BLTP1: variants seen among roughly 807,000 people sequenced by gnomAD.
The protein encoded by BLTP1 is fragile site-associated protein.
chr4:122,201,229 A>C, the BLTP1 span: 1 of 842,032 alleles, frequency 1.2e-6, no homozygotes, highest in Non-Finnish European at 1.7e-6. Context: ...GATATGATTC[A>C]TATTTTCTTC....
the BLTP1 span, among the ~76,000 whole-genome samples, chr4:122,183,802 CCTT>C: frequency 0.028 from 4,303 of 152,136 alleles, 136 homozygotes; most frequent in African/African-American, 0.08. Context: ...TTCAAATGGA[CCTT>C]CTTCTCTACT....
At chr4:122,188,104 A>T in the BLTP1 span, 1 of 1,434,442 alleles carries the variant, frequency 7.0e-7, no homozygotes, top group Admixed American at 2.7e-5. Context: ...AAAATCTTAT[A>T]AAAATAATAA....
the BLTP1 span, chr4:122,198,186 CTG>C: frequency 1.0e-6 from 1 of 973,200 alleles, no homozygotes; most frequent in Non-Finnish European, 1.2e-6. Flanking sequence ...GAAAAAGTGA[CTG>C]TGAATGGCAT....
the BLTP1 span, among the ~76,000 whole-genome samples, chr4:122,321,979 A>ATTTTTTTTT: frequency 5.2e-4 from 14 of 27,016 alleles, no homozygotes; most frequent in Admixed American, 5.3e-4. Flanking sequence ...ACTACATGTA[A>ATTTTTTTTT]TTTTTTTTTT....
the BLTP1 span, among the ~76,000 whole-genome samples, chr4:122,353,435 G>A: frequency 2.6e-5 from 4 of 152,276 alleles, no homozygotes; most frequent in East Asian, 7.7e-4. The surrounding 1 kb of genome is among the most constrained non-coding windows in gnomAD (Gnocchi z 4.3). Context: ...AAAACATGAA[G>A]TGAAGGCAAC....
At chr4:122,313,746 CA>C in the BLTP1 span, 1 of 1,023,452 alleles carries the variant, frequency 9.8e-7, no homozygotes, top group Non-Finnish European at 1.5e-6. Flanking sequence ...ATTTTAATGG[CA>C]AGAGAATCTT....
the BLTP1 span, chr4:122,214,347 G>A: frequency 1.1e-6 from 1 of 929,422 alleles, no homozygotes; most frequent in Non-Finnish European, 1.3e-6. Flanking sequence ...ATAAATTCAA[G>A]CATAATGTAA....
At chr4:122,330,224 ATTC>A in the BLTP1 span, among the ~76,000 whole-genome samples, 1 of 151,752 alleles carries the variant, frequency 6.6e-6, no homozygotes, top group Admixed American at 6.6e-5. Context: ...CCCGATTTCA[ATTC>A]TTTTGGATAA....
At chr4:122,343,298 T>C in the BLTP1 span, 2 of 1,321,762 alleles carry the variant, frequency 1.5e-6, no homozygotes, top group Non-Finnish European at 2.1e-6. Flanking sequence ...ATTGATCTGA[T>C]GTTTGAGTGT....
chr4:122,222,381 C>CT, the BLTP1 span, among the ~76,000 whole-genome samples: 8 of 152,148 alleles, frequency 5.3e-5, no homozygotes, highest in African/African-American at 1.9e-4. Context: ...TCTAAGGTGA[C>CT]TGATGGACTA....
chr4:122,254,329 C>T, the BLTP1 span: 1 of 1,608,680 alleles, frequency 6.2e-7, no homozygotes, highest in South Asian at 1.1e-5. Context: ...TGAGATCTCA[C>T]ACACATGCAT....
At chr4:122,279,686 A>ATCTCAAATTATATT in the BLTP1 span, 14 of 1,403,768 alleles carry the variant, frequency 1.0e-5, no homozygotes, top group Non-Finnish European at 1.3e-5. Context: ...CAAATTTATA[A>ATCTCAAATTATATT]GTATTTTTCT....
chr4:122,207,753 C>A, the BLTP1 span: 1 of 1,069,364 alleles, frequency 9.4e-7, no homozygotes, highest in Non-Finnish European at 1.3e-6. Context: ...GTATTTTTAG[C>A]TTTCCTCCAA....
At chr4:122,338,858 T>A in the BLTP1 span, among the ~76,000 whole-genome samples, 1 of 152,174 alleles carries the variant, frequency 6.6e-6, no homozygotes, top group Non-Finnish European at 1.5e-5. Flanking sequence ...CTCAAATATT[T>A]AGGTTTTTAA....
the BLTP1 span, chr4:122,315,543 G>A: frequency 6.2e-7 from 1 of 1,614,096 alleles, no homozygotes; most frequent in Admixed American, 1.7e-5. Context: ...CCTAACATTG[G>A]CAAAAGGCTT....
chr4:122,286,510 C>T, the BLTP1 span: 21 of 1,612,218 alleles, frequency 1.3e-5, no homozygotes, highest in Non-Finnish European at 1.6e-5. Flanking sequence ...TGAACACTAG[C>T]ACAAACAATA....
At chr4:122,299,221 A>AT in the BLTP1 span, 1 of 870,036 alleles carries the variant, frequency 1.1e-6, no homozygotes, top group African/African-American at 1.8e-5. Flanking sequence ...ACAAAATGTG[A>AT]TAAAGAACTT....
At chr4:122,299,702 T>G in the BLTP1 span, 1 of 638,122 alleles carries the variant, frequency 1.6e-6, no homozygotes, top group Middle Eastern at 7.8e-4. Flanking sequence ...AGTTGATAGC[T>G]GGGTTGGGGG....
At chr4:122,177,126 A>C in the BLTP1 span, among the ~76,000 whole-genome samples, 1 of 152,204 alleles carries the variant, frequency 6.6e-6, no homozygotes, top group Admixed American at 6.5e-5. Flanking sequence ...TTACACTTGA[A>C]ATATTCAACC....
Sources: gnomAD v4.1 joint callset for allele counts (sites outside exome capture counted in the v4.1 genomes callset) on GRCh38, gnomAD v4.1.1 for gene constraint, Gnocchi (gnomAD v3.1) non-coding constraint, MANE v1.5 for transcripts, NCBI Gene and HGNC (gene_info 2026-07-23, HGNC 2026-07-21) for gene names.